The following EPB41L5 variants were observed in gnomAD, a reference collection of about 807,000 sequenced individuals.
EPB41L5 encodes erythrocyte membrane protein band 4.1 like 5, also known as band 4.1-like protein 5.
EPB41L5 carries 55 observed loss-of-function variants against 106.6 expected under a neutral mutation model. The ratio of observed to expected loss-of-function variants is 0.52; its 90% CI spans 0.42 to 0.65. The LOEUF (loss-of-function observed/expected upper bound fraction) is 0.65. EPB41L5 is among the 30% of genes least tolerant of loss of function. EPB41L5 has a pLI of 0.00. For synonymous variants in EPB41L5, 297 were observed against 306.7 expected (o/e 0.97, Z 0.33); for missense variants, 871 against 882.1 (o/e 0.99, Z 0.16).
intron 18 of EPB41L5, among the ~76,000 whole-genome samples, chr2:120,136,683 T>C (rs897533077): frequency 2.0e-5 from 3 of 151,998 alleles, no homozygotes; most frequent in Non-Finnish European, 2.9e-5. Context: ...AAATGGTCAA[T>C]TGAGCAAGAG....
At chr2:120,115,034 A>G (rs1257373234) in intron 16 of EPB41L5, among the ~76,000 whole-genome samples, 3 of 152,030 alleles carry the variant, frequency 2.0e-5, no homozygotes, top group East Asian at 1.9e-4. Flanking sequence ...TTTAGCAACA[A>G]TTTTTATCTT....
At chr2:120,151,479 T>C (rs1686669339) in intron 20 of EPB41L5, among the ~76,000 whole-genome samples, 1 of 151,930 alleles carries the variant, frequency 6.6e-6, no homozygotes, top group Non-Finnish European at 1.5e-5. Flanking sequence ...TTTAAAAACC[T>C]AGGAAACAAT....
intron 18 of EPB41L5, among the ~76,000 whole-genome samples, chr2:120,134,994 AT>A (rs1558898694): frequency 6.6e-6 from 1 of 152,196 alleles, no homozygotes; most frequent in African/African-American, 2.4e-5. Flanking sequence ...AGAGAGAGAT[AT>A]GTGACCTTTC....
chr2:120,014,096 A>G (rs928615758), intron 1 of EPB41L5, among the ~76,000 whole-genome samples: 2 of 152,234 alleles, frequency 1.3e-5, no homozygotes, highest in African/African-American at 4.8e-5. Flanking sequence ...TATTGGGAAT[A>G]CTGGGACAAA....
chr2:120,025,959 A>G (rs1027990149), intron 2 of EPB41L5, among the ~76,000 whole-genome samples: 3 of 152,212 alleles, frequency 2.0e-5, no homozygotes, highest in African/African-American at 7.2e-5. Flanking sequence ...CAGAATAGAG[A>G]ACCCAGAAAC....
intron 8 of EPB41L5, 24 bp from the exon 9 acceptor site, chr2:120,077,205 A>T (rs1430436704): frequency 3.1e-6 from 5 of 1,593,886 alleles, no homozygotes; most frequent in Non-Finnish European, 4.3e-6. Flanking sequence ...TTGTTACTTT[A>T]AAAATCATTG....
chr2:120,016,246 A>T (rs778904616), intron 1 of EPB41L5, among the ~76,000 whole-genome samples: 2 of 152,170 alleles, frequency 1.3e-5, no homozygotes, highest in Non-Finnish European at 2.9e-5. Flanking sequence ...CCTGGCCAAC[A>T]TGGTGAAACC....
At chr2:120,043,899 C>T (rs1679594065) in intron 3 of EPB41L5, among the ~76,000 whole-genome samples, 1 of 152,056 alleles carries the variant, frequency 6.6e-6, no homozygotes, top group African/African-American at 2.4e-5. Flanking sequence ...ATAATCCCAG[C>T]ACTTTGAGAG....
At chr2:120,136,351 G>A (rs931715289) in intron 18 of EPB41L5, among the ~76,000 whole-genome samples, 6 of 150,946 alleles carry the variant, frequency 4.0e-5, no homozygotes, top group African/African-American at 1.5e-4. Flanking sequence ...AGGAAGAGAA[G>A]ATCACAAAAC....
intron 21 of EPB41L5, among the ~76,000 whole-genome samples, chr2:120,163,964 TA>T (rs1687264485): frequency 7.5e-6 from 1 of 134,204 alleles, no homozygotes; most frequent in Non-Finnish European, 1.6e-5. Context: ...AACTTTTTTT[TA>T]TTTTTTTGTA....
At chr2:120,159,680 G>T (rs1193133187) in intron 20 of EPB41L5, among the ~76,000 whole-genome samples, 3 of 152,136 alleles carry the variant, frequency 2.0e-5, no homozygotes, top group Admixed American at 6.5e-5. Context: ...AACCAAAACT[G>T]CATGTTGCTG....
At chr2:120,035,679 C>T (rs924834576) in intron 2 of EPB41L5, among the ~76,000 whole-genome samples, 2 of 151,928 alleles carry the variant, frequency 1.3e-5, no homozygotes, top group Non-Finnish European at 2.9e-5. Context: ...ACCCCCATCT[C>T]TTAAAAAAAA....
At chr2:120,163,956 C>CTTTTT (rs987732326) in intron 21 of EPB41L5, among the ~76,000 whole-genome samples, 1 of 133,522 alleles carries the variant, frequency 7.5e-6, no homozygotes, top group African/African-American at 2.9e-5. Context: ...CTCAAAACAA[C>CTTTTT]TTTTTTTTAT....
chr2:120,017,834 G>A (rs1677627763), intron 1 of EPB41L5, among the ~76,000 whole-genome samples: 1 of 152,104 alleles, frequency 6.6e-6, no homozygotes, highest in African/African-American at 2.4e-5. Flanking sequence ...ATCTCCCTCT[G>A]CCACCCGGGC....
chr2:120,049,406 C>A (rs1426650678), intron 3 of EPB41L5, among the ~76,000 whole-genome samples: 6 of 152,160 alleles, frequency 3.9e-5, no homozygotes, highest in Non-Finnish European at 8.8e-5. Context: ...GATCCCTTTA[C>A]CATTATGTAA....
chr2:120,079,594 G>A (rs868452800), intron 10 of EPB41L5, among the ~76,000 whole-genome samples: 5 of 152,136 alleles, frequency 3.3e-5, no homozygotes, highest in South Asian at 2.1e-4. Flanking sequence ...AACACTGCTC[G>A]ATAAAGCCTG....
intron 2 of EPB41L5, 57 bp from the exon 3 acceptor site, chr2:120,041,949 C>T: frequency 1.5e-6 from 2 of 1,308,334 alleles, no homozygotes; most frequent in Non-Finnish European, 2.2e-6. Context: ...TTCTTTTGTT[C>T]AGGCTTGTTG....
intron 3 of EPB41L5, among the ~76,000 whole-genome samples, chr2:120,066,025 CAA>C (rs1681421980): frequency 6.6e-6 from 1 of 151,708 alleles, no homozygotes; most frequent in Non-Finnish European, 1.5e-5. Flanking sequence ...TGGAAGGAAT[CAA>C]GAGAAACCAG....
intron 22 of EPB41L5, among the ~76,000 whole-genome samples, chr2:120,167,115 A>G (rs1213005565): frequency 6.6e-6 from 1 of 152,220 alleles, no homozygotes; most frequent in Admixed American, 6.5e-5. Context: ...ATTATTTGTA[A>G]TTAATTAACT....
Sources: gnomAD v4.1 joint callset for allele counts (sites outside exome capture counted in the v4.1 genomes callset) on GRCh38, gnomAD v4.1.1 for gene constraint, MANE v1.5 for transcripts, NCBI Gene and HGNC (gene_info 2026-07-23, HGNC 2026-07-21) for gene names.